Variants in KIF18A observed in about 807,000 individuals in gnomAD.
The protein encoded by KIF18A is kinesin-like protein KIF18A.
In KIF18A, 67 loss-of-function variants were observed where a neutral mutation model predicts 103.3. The observed-to-expected ratio is 0.65, with a 90% CI of 0.53 to 0.79. KIF18A has a LOEUF of 0.79. Ranked by LOEUF, KIF18A falls within the 30% of genes least tolerant of loss-of-function variation. The probability of loss-of-function intolerance (pLI) is 0.00; values close to 1 mark genes in which losing one functional copy is unlikely to be tolerated. For missense variants in KIF18A, 1,032 were observed against 1,062.5 expected, an observed-to-expected ratio of 0.97 and a Z score of 0.40; for synonymous variants, 367 against 355.5, an observed-to-expected ratio of 1.03 and a Z score of -0.36.
At chr11:28,077,659 G>A (rs932313755) in intron 9 of KIF18A, among the ~76,000 whole-genome samples, 3 of 152,092 alleles carry the variant, frequency 2.0e-5, no homozygotes, top group Non-Finnish European at 4.4e-5. Flanking sequence ...TGCCTCCATG[G>A]CCCCCTAGGG....
At chr11:28,049,044 T>TGG (rs1281301658) in intron 13 of KIF18A, among the ~76,000 whole-genome samples, 5 of 152,226 alleles carry the variant, frequency 3.3e-5, no homozygotes, top group African/African-American at 1.2e-4. Flanking sequence ...ATCACTTTGT[T>TGG]GGCAGTGTGA....
chr11:28,069,395 G>T lies in KIF18A; in HGVS notation c.1454C>A (p.Ala485Glu), dbSNP rs769459111. The T allele has an allele frequency of 6.2e-7, 1 of 1,613,322 alleles. No homozygotes were observed. The highest frequency in any genetic ancestry group is 1.1e-5 in the South Asian group (1 of 90,998). The change falls in exon 11 of 17, where the codon GCA becomes GAA. Residue 485 changes from alanine (A) to glutamate (E), a missense_variant. Coordinates refer to ENST00000263181, the MANE Select transcript of KIF18A (RefSeq NM_031217.4). ...GTAGGAGCGACGAGTTTTCAACATT[G>T]CAAGTCTATGATCTCGTTTTCCAGT... Reference protein sequence around the residue: ...KATGKRDHRLAMLKTRRSYLE... With the variant: ...KATGKRDHRLEMLKTRRSYLE...
intron 1 of KIF18A, among the ~76,000 whole-genome samples, chr11:28,098,400 T>C (rs1012632425): frequency 6.6e-6 from 1 of 152,188 alleles, no homozygotes; most frequent in Admixed American, 6.5e-5. Context: ...TGGGAATGAA[T>C]AGAAAAGGAT....
intron 1 of KIF18A, among the ~76,000 whole-genome samples, chr11:28,102,553 C>G (rs1048134175): frequency 2.0e-5 from 3 of 152,170 alleles, no homozygotes; most frequent in Non-Finnish European, 4.4e-5. Flanking sequence ...ATATTTGGCT[C>G]AGAATAAATC....
chr11:28,082,905 C>T lies in KIF18A; in HGVS notation c.1213G>A (p.Asp405Asn). The T allele has an allele frequency of 6.2e-7, 1 of 1,605,802 alleles. No homozygotes were observed. Among genetic ancestry groups the T allele is most frequent in the Admixed American group, 1.7e-5 (1 of 59,588 alleles). ...TTTGAAATCATTAACTTTGCTTGGT[C>T]ATTTTCATTAGTGAAGGCTTTCTGT... ...EEQKAFTNENDQAKLMISNPQ... is the reference protein window; with the variant it reads ...EEQKAFTNENNQAKLMISNPQ... The change falls in exon 9 of 17, where the codon GAC (aspartate) becomes AAC (asparagine). Residue 405 changes from aspartate to asparagine, a missense_variant. Physicochemically the swap from Asp to Asn is conservative, Grantham distance 23. Transcript: ENST00000263181.
At chr11:28,036,748 C>A in intron 13 of KIF18A, 84 bp from the exon 14 acceptor site, 11 of 742,018 alleles carry the variant, frequency 1.5e-5, no homozygotes, top group East Asian at 8.5e-5. Context: ...CTAAGAAACC[C>A]TAATAATAAG....
At chr11:28,099,271 C>T (rs1327091167) in intron 1 of KIF18A, among the ~76,000 whole-genome samples, 1 of 151,622 alleles carries the variant, frequency 6.6e-6, no homozygotes, top group East Asian at 1.9e-4. Context: ...CACTTTTATG[C>T]AGAATCTAAA....
intron 6 of KIF18A, 85 bp downstream of exon 6, chr11:28,088,439 T>C: frequency 8.3e-7 from 1 of 1,205,260 alleles, no homozygotes; most frequent in African/African-American, 1.5e-5. Flanking sequence ...ATATCAGACC[T>C]TTAAAACAAA....
intron 10 of KIF18A, among the ~76,000 whole-genome samples, chr11:28,071,841 C>T (rs528597413): frequency 6.2e-4 from 95 of 152,198 alleles, no homozygotes; most frequent in African/African-American, 2.2e-3. Context: ...AATATTGTAC[C>T]TAACTGAAGG....
chr11:28,108,152 A>T lies in KIF18A; in HGVS notation c.-135T>A, dbSNP rs2133576347. 1 of 152,510 alleles carries T rather than the reference A, an allele frequency of 6.6e-6. No individual in the cohort carries two copies. Among genetic ancestry groups the T allele is most frequent in the East Asian group, 1.9e-4 (1 of 5,180 alleles). 9.4% of individuals were successfully genotyped at this position (152,510 alleles called of 1,614,324 possible). On this transcript the variant is annotated 5_prime_UTR_variant, in exon 1 of 17. The change creates a new upstream start codon in the 5' untranslated region. Coordinates refer to ENST00000263181, the MANE Select transcript of KIF18A (RefSeq NM_031217.4). Reference sequence around the variant, plus strand: ...TCCGCCTCCCAGCGCTTCAGACTCAACCACAATATTCAAACCCAAGCCACT... The same window carrying T: ...TCCGCCTCCCAGCGCTTCAGACTCATCCACAATATTCAAACCCAAGCCACT...
chr11:28,042,896 T>C (rs1014883809), intron 13 of KIF18A, among the ~76,000 whole-genome samples: 1 of 151,826 alleles, frequency 6.6e-6, no homozygotes, highest in Non-Finnish European at 1.5e-5. Flanking sequence ...CTAAAGAGTA[T>C]TGTATAGCTC....
Position 28,036,577 on chromosome 11 carries a change from T to C in KIF18A, c.2036A>G (p.Gln679Arg), listed in dbSNP as rs769711180. 4 of 1,610,770 alleles carry C rather than the reference T, an allele frequency of 2.5e-6. No individual in the cohort carries two copies. The highest frequency in any genetic ancestry group is 3.4e-6 in the Non-Finnish European group (4 of 1,177,838). Residue 679 changes from glutamine (Q) to arginine (R), a missense_variant, in exon 14 of 17, where the codon CAG (glutamine) becomes CGG (arginine). Coordinates refer to ENST00000263181, the MANE Select transcript of KIF18A (RefSeq NM_031217.4). ...AGATGGTGGAGACTTTAGAGTATGCTGTCCTTTCAAGGGAGATGGCATTAG... is the reference window on the plus strand; with the variant it reads ...AGATGGTGGAGACTTTAGAGTATGCCGTCCTTTCAAGGGAGATGGCATTAG... ...RKLMPSPLKGQHTLKSPPSQS... is the reference protein window; with the variant it reads ...RKLMPSPLKGRHTLKSPPSQS...
rs184218021 is a variant in KIF18A, at chr11:28,083,806, A to G, written c.1075-563T>C. On this transcript the variant is annotated intron_variant, in intron 7 of 16. Coordinates refer to ENST00000263181, the MANE Select transcript of KIF18A (RefSeq NM_031217.4). ...CTAGTGTAAGGGCTACATGAAAATC[A>G]TGTGTTACAAACCTTTCTGTACACC... 2.0e-5 allele frequency among the ~76,000 whole-genome samples: 3 copies of G among 152,266 alleles called. No individual in the cohort carries two copies. The East Asian group carries it at 5.8e-4, about 29-fold the overall frequency.
Position 28,094,751 on chromosome 11 carries a change from T to A in KIF18A, c.375A>T (p.Gly125=), listed in dbSNP as rs576334611. The A allele has an allele frequency of 1.9e-6, 3 of 1,613,972 alleles. No individual in the cohort carries two copies. The highest frequency in any genetic ancestry group is 2.5e-6 in the Non-Finnish European group (3 of 1,179,860). The stretch of plus-strand genomic sequence containing the variant: ...ACATCACTCCAGGTTCATCAGCTGA[T>A]CCTAGCATAGTGTGGGTCTTCCCAG... ...TGAGKTHTML[G]SADEPGVMYL... The change falls in exon 3 of 17, where the codon GGA becomes GGT. Residue 125 remains glycine (G), a synonymous_variant. Transcript: ENST00000263181.
At chr11:28,042,698 T>C (rs145826118) in intron 13 of KIF18A, among the ~76,000 whole-genome samples, 31 of 152,010 alleles carry the variant, frequency 2.0e-4, no homozygotes, top group Non-Finnish European at 3.7e-4. Flanking sequence ...ATACCCATAG[T>C]ACAAGGAGGC....
At chr11:28,107,113 G>A (rs1370647099) in intron 1 of KIF18A, among the ~76,000 whole-genome samples, 1 of 152,086 alleles carries the variant, frequency 6.6e-6, no homozygotes, top group East Asian at 1.9e-4. Flanking sequence ...AACTTAATAA[G>A]AAGCACTATC....
chr11:28,061,127 T>C (rs1159610047), intron 12 of KIF18A, among the ~76,000 whole-genome samples: 1 of 152,210 alleles, frequency 6.6e-6, no homozygotes, highest in African/African-American at 2.4e-5. Flanking sequence ...TAGGCACCTA[T>C]AACACAGGAA....
chr11:28,084,861 C>G (rs1220081013), intron 6 of KIF18A, 53 bp from the exon 7 acceptor site: 1 of 1,411,184 alleles, frequency 7.1e-7, no homozygotes, highest in African/African-American at 1.4e-5. Flanking sequence ...AAATGCAAAC[C>G]TGCTACCACT....
intron 13 of KIF18A, among the ~76,000 whole-genome samples, chr11:28,057,552 C>T (rs1462803957): frequency 2.6e-5 from 4 of 151,782 alleles, no homozygotes; most frequent in African/African-American, 9.7e-5. Context: ...ACAAAAAAGA[C>T]TATGCATTAT....
Sources: gnomAD v4.1 joint callset for allele counts (sites outside exome capture counted in the v4.1 genomes callset) on GRCh38, gnomAD v4.1.1 for gene constraint, MANE v1.5 for transcripts, NCBI Gene and HGNC (gene_info 2026-07-23, HGNC 2026-07-21) for gene names.